VAV3: variants seen among roughly 807,000 people sequenced by gnomAD.
VAV3 encodes the protein guanine nucleotide exchange factor VAV3.
Under a neutral mutation model 131.2 loss-of-function variants are expected in VAV3, and 94 were observed. The ratio of observed to expected loss-of-function variants is 0.72; its 90% CI spans 0.61 to 0.85. The LOEUF is 0.85. VAV3 is among the 40% of genes least tolerant of loss of function. The pLI is 0.00. For synonymous variants in VAV3, 349 were observed against 342.0 expected (o/e 1.02, Z -0.22); for missense variants, 939 against 1,002.7 (o/e 0.94, Z 0.86).
At chr1:107,712,786 A>G (rs1310676777) in intron 15 of VAV3, among the ~76,000 whole-genome samples, 1 of 152,236 alleles carries the variant, frequency 6.6e-6, no homozygotes, top group Non-Finnish European at 1.5e-5. Context: ...AGCGGGGAGA[A>G]GAACATTTAA....
intron 21 of VAV3, 127 bp from the exon 22 acceptor site, chr1:107,610,092 T>C (rs1652609007): frequency 2.8e-6 from 2 of 710,600 alleles, no homozygotes; most frequent in South Asian, 1.9e-5. Flanking sequence ...GAACTATCCA[T>C]TGGTAATTTT....
chr1:107,678,630 T>C (rs1163938413), intron 19 of VAV3, among the ~76,000 whole-genome samples: 1 of 152,108 alleles, frequency 6.6e-6, no homozygotes, highest in Non-Finnish European at 1.5e-5. Flanking sequence ...CAATTCTGTT[T>C]AGACTTGGAA....
At chr1:107,662,200 T>C (rs1657071564) in intron 19 of VAV3, among the ~76,000 whole-genome samples, 1 of 152,054 alleles carries the variant, frequency 6.6e-6, no homozygotes, top group Non-Finnish European at 1.5e-5. Flanking sequence ...GTCAACAAAC[T>C]TATATCCCCA....
At chr1:107,695,209 T>G (rs1015591595) in intron 17 of VAV3, among the ~76,000 whole-genome samples, 6 of 152,162 alleles carry the variant, frequency 3.9e-5, no homozygotes, top group African/African-American at 1.4e-4. Context: ...TAGAGCTTTG[T>G]AGGCCATATT....
At chr1:107,718,787 C>T (rs1297088079) in intron 15 of VAV3, among the ~76,000 whole-genome samples, 15 of 152,142 alleles carry the variant, frequency 9.9e-5, no homozygotes, top group African/African-American at 3.1e-4. Flanking sequence ...GGAGGCATCA[C>T]GCTACCTGAC....
intron 19 of VAV3, among the ~76,000 whole-genome samples, chr1:107,674,121 T>C (rs1407744363): frequency 6.6e-6 from 1 of 152,242 alleles, no homozygotes; most frequent in African/African-American, 2.4e-5. Flanking sequence ...TTAAAAACTA[T>C]ATATTGATTC....
chr1:107,943,029 T>C (rs1431974901), intron 1 of VAV3, among the ~76,000 whole-genome samples: 1 of 152,176 alleles, frequency 6.6e-6, no homozygotes. Flanking sequence ...AGAGTTCAGC[T>C]TCTCACAGGT....
chr1:107,641,410 C>T lies in VAV3; in HGVS notation c.1914+1209G>A, dbSNP rs900487673. 5.3e-5 allele frequency among the ~76,000 whole-genome samples: 8 copies of T among 152,244 alleles called. No homozygotes were observed. The East Asian group carries it at 1.5e-3, about 29-fold the overall frequency. ...CCTCACTTATTTTTCCCTCAATGCACAATAGATTTTTTAACGAATTCTTTC... is the reference window on the plus strand; with the variant it reads ...CCTCACTTATTTTTCCCTCAATGCATAATAGATTTTTTAACGAATTCTTTC... On this transcript the variant is annotated intron_variant, in intron 20 of 26. Transcript: ENST00000370056.
chr1:107,625,001 G>A (rs1021309766), intron 20 of VAV3, among the ~76,000 whole-genome samples: 1 of 152,072 alleles, frequency 6.6e-6, no homozygotes, highest in Non-Finnish European at 1.5e-5. Flanking sequence ...AGGGAGTTGG[G>A]AGCCTGGGTT....
At chr1:107,873,482 G>A (rs1670343294) in intron 2 of VAV3, among the ~76,000 whole-genome samples, 2 of 151,972 alleles carry the variant, frequency 1.3e-5, no homozygotes, top group Admixed American at 6.6e-5. Flanking sequence ...TTTTTTTAAA[G>A]GTGCAGGAGG....
chr1:107,964,826 T>G lies in VAV3; in HGVS notation c.44A>C (p.Lys15Thr). The stretch of plus-strand genomic sequence containing the variant: ...CACCCGGTGGTTGGTGGGCAGCACC[T>G]TGCAATGGATGAGCCACTGCGCGCA... ...KQCAQWLIHC[K>T]VLPTNHRVTW... Residue 15 changes from lysine to threonine, a missense_variant, in exon 1 of 27, where the codon AAG becomes ACG. Lys to Thr is a moderately conservative substitution (Grantham distance 78, BLOSUM62 -1). Coordinates refer to ENST00000370056, the MANE Select transcript of VAV3 (RefSeq NM_006113.5). 1 of 1,613,588 alleles carries G rather than the reference T, an allele frequency of 6.2e-7. No homozygotes were observed. The highest frequency in any genetic ancestry group is 8.5e-7 in the Non-Finnish European group (1 of 1,179,832).
intron 1 of VAV3, among the ~76,000 whole-genome samples, chr1:107,939,674 T>C (rs1168597645): frequency 1.3e-5 from 2 of 152,172 alleles, no homozygotes; most frequent in Admixed American, 6.5e-5. Flanking sequence ...CATCTTTATA[T>C]AGTCTGTCTT....
At chr1:107,794,593 T>C (rs117309035) in intron 2 of VAV3, among the ~76,000 whole-genome samples, 1,762 of 152,334 alleles carry the variant, frequency 0.012, 20 homozygotes, top group East Asian at 0.039. Flanking sequence ...TTGAATTACA[T>C]AGCTATTTTT....
intron 15 of VAV3, among the ~76,000 whole-genome samples, chr1:107,706,089 C>G (rs1486484658): frequency 6.6e-6 from 1 of 151,970 alleles, no homozygotes; most frequent in Admixed American, 6.6e-5. Context: ...GAAAATTAGA[C>G]TAGGATAAGT....
chr1:107,687,551 T>C (rs536994589), intron 18 of VAV3, among the ~76,000 whole-genome samples: 12 of 152,306 alleles, frequency 7.9e-5, no homozygotes, highest in African/African-American at 2.6e-4. Context: ...TGTTTTGCTA[T>C]GGCCATTTGT....
At chr1:107,685,576 C>G (rs955844842) in intron 18 of VAV3, among the ~76,000 whole-genome samples, 2 of 152,130 alleles carry the variant, frequency 1.3e-5, no homozygotes, top group African/African-American at 4.8e-5. Flanking sequence ...ACTCTGAAAA[C>G]AGAAACCTTT....
intron 2 of VAV3, among the ~76,000 whole-genome samples, chr1:107,786,722 G>A (rs1177324831): frequency 6.6e-6 from 1 of 152,130 alleles, no homozygotes; most frequent in Non-Finnish European, 1.5e-5. Flanking sequence ...AGAAAGGATA[G>A]TACACAGGAT....
intron 1 of VAV3, among the ~76,000 whole-genome samples, chr1:107,891,116 T>G (rs1671289782): frequency 6.6e-6 from 1 of 151,402 alleles, no homozygotes; most frequent in African/African-American, 2.4e-5. Flanking sequence ...AGCCCTGATG[T>G]CCTACCACAA....
At chr1:107,909,478 C>T (rs925228049) in intron 1 of VAV3, among the ~76,000 whole-genome samples, 1 of 152,022 alleles carries the variant, frequency 6.6e-6, no homozygotes, top group Non-Finnish European at 1.5e-5. Flanking sequence ...TTTTCCCGAG[C>T]TTTATATTTC....
Sources: gnomAD v4.1 joint callset for allele counts (sites outside exome capture counted in the v4.1 genomes callset) on GRCh38, gnomAD v4.1.1 for gene constraint, MANE v1.5 for transcripts, NCBI Gene and HGNC (gene_info 2026-07-23, HGNC 2026-07-21) for gene names.